The following ZNF385C variants were observed in gnomAD, a reference collection of about 807,000 sequenced individuals.
ZNF385C encodes CTD-2132N18.2.
Under a neutral mutation model 35.4 loss-of-function variants are expected in ZNF385C, and 28 were observed. The ratio of observed to expected loss-of-function variants is 0.79; its 90% CI spans 0.59 to 1.08. The LOEUF (loss-of-function observed/expected upper bound fraction) is 1.08, where lower values mean the gene tolerates loss of function less well. Among genes scored for constraint, ZNF385C ranks in the 50% least tolerant of loss-of-function variants. The probability of loss-of-function intolerance (pLI) is 0.00; values close to 1 mark genes in which losing one functional copy is unlikely to be tolerated. For synonymous variants in ZNF385C, 248 were observed against 248.2 expected, an observed-to-expected ratio of 1.00 and a Z score of 0.01; for missense variants, 605 against 595.6, an observed-to-expected ratio of 1.02 and a Z score of -0.16.
At chr17:42,065,462 CT>C (rs1555658382) in intron 1 of ZNF385C, 2 of 152,200 alleles carry the variant, frequency 1.3e-5, no homozygotes, top group African/African-American at 4.8e-5. Context: ...CTTCACAAGA[CT>C]ATACATCCAA....
At chr17:42,057,257 C>G (rs1234794943) in intron 2 of ZNF385C, among the ~76,000 whole-genome samples, 1 of 152,162 alleles carries the variant, frequency 6.6e-6, no homozygotes, top group African/African-American at 2.4e-5. Context: ...GACTGAATGT[C>G]ATCATCCGTG....
intron 1 of ZNF385C, among the ~76,000 whole-genome samples, chr17:42,069,469 G>C (rs2053594013): frequency 2.6e-5 from 4 of 152,226 alleles, no homozygotes; most frequent in African/African-American, 9.6e-5. Context: ...GCAGACGGTT[G>C]TTTCTGCTGC....
rs908910536 is a variant in ZNF385C at position 42,037,863 on chromosome 17, G to A, written c.273C>T (p.Pro91=). 26 of 1,521,102 alleles carry A rather than the reference G, an allele frequency of 1.7e-5. No individual in the cohort carries two copies. The African/African-American group carries it at 3.4e-4, about 20-fold the overall frequency. 94.2% of individuals were successfully genotyped at this position (1,521,102 alleles called of 1,614,324 possible). A position where few individuals can be genotyped will look rare whatever the true frequency, so the allele number is the denominator to read the frequency against. The part of the protein sequence containing the change: ...SGPAGPASGA[P]SPLLASLPLP... The stretch of plus-strand genomic sequence containing the variant: ...GGGGCAGGGAGGCCAGCAGGGGGCT[G>A]GGGGCGCCGGAGGCCGGGCCTGCTG... Residue 91 remains proline (P), a synonymous_variant, in exon 3 of 9, where the codon CCC becomes CCT. Transcript: ENST00000692273.
chr17:42,083,707 CT>C (rs59612634), intron 1 of ZNF385C, among the ~76,000 whole-genome samples: 156 of 49,944 alleles, frequency 3.1e-3, no homozygotes, highest in African/African-American at 0.012. Flanking sequence ...CTTTTCAAGT[CT>C]TTTTTTTTTT....
At position 42,037,857 on chromosome 17, in the gene ZNF385C, G is replaced by A. The variant is rs1555655640; in HGVS notation, c.279C>T (p.Pro93=). ...TGGGCAGGGGCAGGGAGGCCAGCAG[G>A]GGGCTGGGGGCGCCGGAGGCCGGGC... The part of the protein sequence containing the change: ...PAGPASGAPS[P]LLASLPLPTR... The change falls in exon 3 of 9, where the codon CCC becomes CCT. Residue 93 remains proline (P), a synonymous_variant. Transcript: ENST00000692273. The A allele has an allele frequency of 2.0e-6, 3 of 1,518,502 alleles. No individual in the cohort carries two copies. The highest frequency in any genetic ancestry group is 2.8e-5 in the African/African-American group (2 of 72,420). The allele number at this position is 1,518,502 out of a possible 1,614,324, so 94.1% of individuals were successfully genotyped here. A position where few individuals can be genotyped will look rare whatever the true frequency, so the allele number is the denominator to read the frequency against.
At chr17:42,072,949 C>G (rs1211594607) in intron 1 of ZNF385C, among the ~76,000 whole-genome samples, 2 of 152,140 alleles carry the variant, frequency 1.3e-5, no homozygotes, top group African/African-American at 4.8e-5. Context: ...TCCCCCACCC[C>G]CTGTCAGCAC....
intron 2 of ZNF385C, among the ~76,000 whole-genome samples, chr17:42,053,441 G>T (rs933125819): frequency 1.3e-5 from 2 of 152,032 alleles, no homozygotes; most frequent in Non-Finnish European, 1.5e-5. Context: ...TTTCTGTGCT[G>T]CAGTAACAGC....
intron 2 of ZNF385C, among the ~76,000 whole-genome samples, chr17:42,055,543 A>C (rs2053360384): frequency 6.6e-6 from 1 of 152,128 alleles, no homozygotes; most frequent in South Asian, 2.1e-4. Flanking sequence ...TGCAAGAAGA[A>C]CTTCTCAGTG....
At chr17:42,082,388 A>G (rs1404577086) in intron 1 of ZNF385C, among the ~76,000 whole-genome samples, 1 of 152,148 alleles carries the variant, frequency 6.6e-6, no homozygotes, top group Non-Finnish European at 1.5e-5. Context: ...AGGAATACCA[A>G]ATCTCTTCCA....
chr17:42,034,371 G>T (rs1433076907), intron 3 of ZNF385C, 36 bp from the exon 4 acceptor site: 2 of 1,511,418 alleles, frequency 1.3e-6, no homozygotes, highest in Non-Finnish European at 1.8e-6. Flanking sequence ...TAACTCTGGG[G>T]TTGGCTTGGG....
intron 1 of ZNF385C, among the ~76,000 whole-genome samples, chr17:42,064,073 T>TACACACACAC (rs55771386): frequency 0.061 from 7,953 of 129,644 alleles, 436 homozygotes; most frequent in South Asian, 0.087. Flanking sequence ...CACACGCACA[T>TACACACACAC]ACACACACAC....
At chr17:42,039,679 G>C in intron 2 of ZNF385C, 1 of 1,232,168 alleles carries the variant, frequency 8.1e-7, no homozygotes, top group Non-Finnish European at 1.0e-6. Flanking sequence ...CCCCAGGCTG[G>C]ATGGGCCGAG....
At chr17:42,088,955 C>T (rs1555660298) in intron 1 of ZNF385C, among the ~76,000 whole-genome samples, 1 of 152,040 alleles carries the variant, frequency 6.6e-6, no homozygotes, top group Non-Finnish European at 1.5e-5. Flanking sequence ...CCTCTCAACA[C>T]ACTGGGACTA....
rs1049186038 is a variant in ZNF385C, at chr17:42,062,896, G to A, written c.161C>T (p.Ser54Leu). The stretch of plus-strand genomic sequence containing the variant: ...ACAGTGCACCTGGGCCTGGGCCGCC[G>A]AGTTCAGCTGGATGTTGCAGACATC... ...LCDVCNIQLNSAAQAQVHCGG... is the reference protein window; with the variant it reads ...LCDVCNIQLNLAAQAQVHCGG... Residue 54 changes from serine to leucine, a missense_variant, in exon 2 of 9, where the codon TCG (serine) becomes TTG (leucine). Physicochemically the swap from Ser to Leu is moderately radical, Grantham distance 145. Coordinates refer to ENST00000692273, the MANE Select transcript of ZNF385C (RefSeq NM_001392013.1). 8.8e-6 allele frequency: 6 copies of A among 682,186 alleles called. No individual in the cohort carries two copies. Among genetic ancestry groups the A allele is most frequent in the South Asian group, 6.2e-5 (4 of 64,784 alleles). 42.3% of individuals were successfully genotyped at this position (682,186 alleles called of 1,614,324 possible).
intron 1 of ZNF385C, among the ~76,000 whole-genome samples, chr17:42,072,078 G>A (rs1053220914): frequency 2.1e-4 from 32 of 152,294 alleles, no homozygotes; most frequent in African/African-American, 7.0e-4. Context: ...GGAGGGTGGG[G>A]GAGCAGGAGT....
intron 2 of ZNF385C, among the ~76,000 whole-genome samples, chr17:42,048,836 C>T (rs1300346838): frequency 6.6e-6 from 1 of 151,908 alleles, no homozygotes; most frequent in Non-Finnish European, 1.5e-5. Context: ...GGTTTCCATT[C>T]TTAACCTCTC....
rs56340490 is a variant in ZNF385C at position 42,094,939 on chromosome 17, T to G, written c.-3+3471A>C. Among the ~76,000 whole-genome samples, 785 of 152,156 alleles carry G rather than the reference T, an allele frequency of 5.2e-3. 2 individuals carry two copies. The highest frequency in any genetic ancestry group is 9.0e-3 in the Non-Finnish European group (615 of 67,970). On this transcript the variant is annotated intron_variant, in intron 1 of 8. Coordinates refer to ENST00000692273, the MANE Select transcript of ZNF385C (RefSeq NM_001392013.1). The stretch of plus-strand genomic sequence containing the variant: ...TCACCAATAAGGGACAGTGAGAGTG[T>G]GACTGGGGTGAAGGTATGGGTGTCA...
In ZNF385C at chr17:42,026,697, C is replaced by T. The variant is rs1233375122; in HGVS notation, c.*200G>A. 6 of 627,948 alleles carry T rather than the reference C, an allele frequency of 9.6e-6. No homozygotes were observed. The highest frequency in any genetic ancestry group is 1.9e-5 in the South Asian group (1 of 52,288). 38.9% of individuals were successfully genotyped at this position (627,948 alleles called of 1,614,324 possible). A position where few individuals can be genotyped will look rare whatever the true frequency, so the allele number is the denominator to read the frequency against. On this transcript the variant is annotated 3_prime_UTR_variant, in exon 9 of 9. Coordinates refer to ENST00000692273, the MANE Select transcript of ZNF385C (RefSeq NM_001392013.1). The stretch of plus-strand genomic sequence containing the variant: ...GAAATGCAGGCAAGCCTAGGATTAA[C>T]CCTGGAAGGCCTGCGAAAGGAGGGT...
chr17:42,080,242 C>T (rs1475245300), intron 1 of ZNF385C, among the ~76,000 whole-genome samples: 2 of 152,114 alleles, frequency 1.3e-5, no homozygotes, highest in African/African-American at 4.8e-5. Flanking sequence ...GCCTGAGGAT[C>T]CAGGGGTCCT....
Sources: allele counts gnomAD v4.1 joint callset (sites outside exome capture counted in the v4.1 genomes callset), GRCh38; gene constraint gnomAD v4.1.1; transcripts MANE v1.5; gene names NCBI Gene and HGNC (gene_info 2026-07-23, HGNC 2026-07-21).